The following ARHGAP45 variants were observed in gnomAD, a reference collection of about 807,000 sequenced individuals.
The protein encoded by ARHGAP45 is Rho GTPase activating protein 45, also known as rho GTPase-activating protein 45.
A neutral mutation model predicts 116.1 loss-of-function variants in ARHGAP45; 56 were observed. That is an observed-to-expected ratio of 0.48 (90% CI 0.39 to 0.60). The LOEUF is 0.60. Ranked by LOEUF, ARHGAP45 falls within the 20% of genes least tolerant of loss-of-function variation. The pLI is 0.00. For missense variants in ARHGAP45, 1,622 were observed against 1,601.0 expected, an observed-to-expected ratio of 1.01 and a Z score of -0.22; for synonymous variants, 866 against 701.7, an observed-to-expected ratio of 1.23 and a Z score of -3.70.
At chr19:1,067,534 GCCGCAGGGGGACAGGGAC>G in intron 1 of ARHGAP45, 39 bp downstream of exon 1, 1 of 1,537,976 alleles carries the variant, frequency 6.5e-7, no homozygotes, top group Non-Finnish European at 8.8e-7. Flanking sequence ...CTGACGCCGG[GCCGCAGGGGGACAGGGAC>G]CCGCCCTGTG....
In ARHGAP45 at chr19:1,073,365, TGGGTTTTGAAGG is replaced by T. The variant is rs949902995; in HGVS notation, c.565+74_565+85del. On this transcript the variant is annotated intron_variant, in intron 3 of 22. Coordinates refer to ENST00000313093, the MANE Select transcript of ARHGAP45 (RefSeq NM_012292.5). ...ATCCTGGAGGAGGGGATGTTTGAAG[TGGGTTTTGAAGG>T]ATGCATAGGAGTTTGACAGGCACAA... The T allele has an allele frequency of 6.2e-4, 987 of 1,593,744 alleles. 7 individuals are homozygous for T. The African/African-American group carries it at 0.011, about 19-fold the overall frequency.
At chr19:1,074,777 C>G (rs747753621) in intron 9 of ARHGAP45, 22 bp from the exon 10 acceptor site, 1 of 1,600,268 alleles carries the variant, frequency 6.2e-7, no homozygotes, top group South Asian at 1.1e-5. Context: ...GGGGTACCCA[C>G]TCACGGCCCG....
At position 1,080,499 on chromosome 19, in the gene ARHGAP45, C is replaced by T. The variant is rs1444997362; in HGVS notation, c.1864C>T (p.Leu622Phe). The part of the protein sequence containing the change: ...RGHQVHKSWP[L>F]SISDSDSGLD... The stretch of plus-strand genomic sequence containing the variant: ...ACACCAGGTTCACAAGTCATGGCCG[C>T]TCTCGATCTCAGACTCGGACAGTGG... The change falls in exon 15 of 23, where the codon CTC becomes TTC. Residue 622 changes from leucine to phenylalanine, a missense_variant. Leu to Phe is a conservative substitution (Grantham distance 22). This residue lies in a region of ARHGAP45 where 1,334 missense variants were observed against 1,263.8 expected (regional missense o/e 1.06). Coordinates refer to ENST00000313093, the MANE Select transcript of ARHGAP45 (RefSeq NM_012292.5). 1.9e-6 allele frequency: 3 copies of T among 1,612,854 alleles called. No individual in the cohort carries two copies. The highest frequency in any genetic ancestry group is 2.7e-5 in the African/African-American group (2 of 74,934).
chr19:1,073,377 G>A (rs1296791014), intron 3 of ARHGAP45, 85 bp downstream of exon 3: 2 of 1,580,750 alleles, frequency 1.3e-6, no homozygotes, highest in East Asian at 2.2e-5. Context: ...GGTTTTGAAG[G>A]ATGCATAGGA....
At chr19:1,072,533 G>A (rs995985002) in intron 2 of ARHGAP45, among the ~76,000 whole-genome samples, 2 of 152,196 alleles carry the variant, frequency 1.3e-5, no homozygotes, top group African/African-American at 2.4e-5. Flanking sequence ...GGGGTCACAG[G>A]TGTAAGCCAC....
chr19:1,068,588 C>G lies in ARHGAP45; in HGVS notation c.265C>G (p.Arg89Gly). The stretch of plus-strand genomic sequence containing the variant: ...GGGTGCTGCCTCCTGGACACTGGGC[C>G]GGAGCCACCGGAGCCCACTGACAGC... Reference protein sequence around the residue: ...LSGAASWTLGRSHRSPLTAAS... With the variant: ...LSGAASWTLGGSHRSPLTAAS... Residue 89 changes from arginine (R) to glycine (G), a missense_variant, in exon 2 of 23, where the codon CGG becomes GGG. By Grantham distance (125) the Arg-to-Gly change is moderately radical. Transcript: ENST00000313093. The surrounding 1 kb of genome is among the most constrained non-coding windows in gnomAD (Gnocchi z 7.5). 2 of 1,610,620 alleles carry G rather than the reference C, an allele frequency of 1.2e-6. No homozygotes were observed. Among genetic ancestry groups the G allele is most frequent in the East Asian group, 2.2e-5 (1 of 44,832 alleles).
chr19:1,075,780 A>AT (rs1555707092), intron 10 of ARHGAP45, among the ~76,000 whole-genome samples: 2 of 151,970 alleles, frequency 1.3e-5, no homozygotes, highest in African/African-American at 2.4e-5. Context: ...CACCCAGTTC[A>AT]TTTTTTTGTA....
At position 1,073,662 on chromosome 19, in the gene ARHGAP45, C is replaced by T; in HGVS notation, c.651-12C>T. 1 of 1,608,958 alleles carries T rather than the reference C, an allele frequency of 6.2e-7. No homozygotes were observed. Among genetic ancestry groups the T allele is most frequent in the Non-Finnish European group, 8.5e-7 (1 of 1,177,438 alleles). ...CGGGTGTCTCTCGATGGTGACCTCGCTGGCCCTGCAGAGTGTCCGAGTTCC... is the reference window on the plus strand; with the variant it reads ...CGGGTGTCTCTCGATGGTGACCTCGTTGGCCCTGCAGAGTGTCCGAGTTCC... On this transcript the variant is annotated splice_polypyrimidine_tract_variant and intron_variant, in intron 4 of 22. Transcript: ENST00000313093.
rs1361542045 is a variant in ARHGAP45 at position 1,079,820 on chromosome 19, A to G, written c.1492A>G (p.Ser498Gly). 4.4e-6 allele frequency: 7 copies of G among 1,607,840 alleles called. No homozygotes were observed. The change falls in exon 12 of 23, where the codon AGC (serine) becomes GGC (glycine). Residue 498 changes from serine to glycine, a missense_variant. Ser to Gly is a moderately conservative substitution (Grantham distance 56). This residue lies in a region of ARHGAP45 where 1,334 missense variants were observed against 1,263.8 expected (regional missense o/e 1.06). Transcript: ENST00000313093. Reference sequence around the variant, plus strand: ...GCAGATCCAGGAGGTCATCCGGCAGAGCGACCAAACCATCAAGTCGGTGCG... The same window carrying G: ...GCAGATCCAGGAGGTCATCCGGCAGGGCGACCAAACCATCAAGTCGGTGCG... ...LRQIQEVIRQ[S>G]DQTIKSATIS...
rs373613653 is a variant in ARHGAP45, at chr19:1,072,475, G to C, written c.422-674G>C. ...TTACTGTATTGCCCAGGCTGGTCTT[G>C]AATTCCTGGGCTCAACCCGTCCTCC... On this transcript the variant is annotated intron_variant, in intron 2 of 22. Transcript: ENST00000313093. Among the ~76,000 whole-genome samples the C allele has an allele frequency of 8.5e-5, 13 of 152,056 alleles. No homozygotes were observed. The East Asian group carries it at 2.1e-3, about 25-fold the overall frequency.
In ARHGAP45 at chr19:1,071,279, C is replaced by G. The variant is rs1419258575; in HGVS notation, c.422-1870C>G. On this transcript the variant is annotated intron_variant, in intron 2 of 22. Transcript: ENST00000313093. The surrounding 1 kb of genome is among the most constrained non-coding windows in gnomAD (Gnocchi z 4.6). ...CGCGCTCGCGGTCTCCGCGCCCCGACGGCTGCGCCATGTGTATCTGCGGGA... is the reference window on the plus strand; with the variant it reads ...CGCGCTCGCGGTCTCCGCGCCCCGAGGGCTGCGCCATGTGTATCTGCGGGA... The G allele has an allele frequency of 8.8e-6, 13 of 1,479,052 alleles. No homozygotes were observed. In the East Asian group the frequency reaches 3.0e-4, roughly 34 times the overall value. The allele number at this position is 1,479,052 out of a possible 1,614,324, so 91.6% of individuals were successfully genotyped here. A position where few individuals can be genotyped will look rare whatever the true frequency, so the allele number is the denominator to read the frequency against.
At position 1,073,907 on chromosome 19, in the gene ARHGAP45, C is replaced by T. The variant is rs1175428263; in HGVS notation, c.724-41C>T. The T allele has an allele frequency of 3.3e-6, 5 of 1,531,396 alleles. No homozygotes were observed. The East Asian group carries it at 9.8e-5, about 30-fold the overall frequency. 94.9% of individuals were successfully genotyped at this position (1,531,396 alleles called of 1,614,324 possible). On this transcript the variant is annotated intron_variant, in intron 5 of 22. Coordinates refer to ENST00000313093, the MANE Select transcript of ARHGAP45 (RefSeq NM_012292.5). ...CCTGAAGGGTGGGCACTGCCCAGGG[C>T]CCCGCATGGGGCTGGTCTCACCTGC... is the stretch of plus-strand genomic sequence containing the variant.
At chr19:1,072,290 C>A (rs995644843) in intron 2 of ARHGAP45, among the ~76,000 whole-genome samples, 1 of 152,148 alleles carries the variant, frequency 6.6e-6, no homozygotes, top group African/African-American at 2.4e-5. Flanking sequence ...AAACTCCTGA[C>A]CTCAAGTGAT....
chr19:1,084,353 G>T lies in ARHGAP45; in HGVS notation c.3064+7G>T. 1 of 1,600,448 alleles carries T rather than the reference G, an allele frequency of 6.2e-7. No individual in the cohort carries two copies. The highest frequency in any genetic ancestry group is 2.1e-4 in the Middle Eastern group (1 of 4,846). On this transcript the variant is annotated splice_region_variant and intron_variant, in intron 22 of 22. Coordinates refer to ENST00000313093, the MANE Select transcript of ARHGAP45 (RefSeq NM_012292.5). The stretch of plus-strand genomic sequence containing the variant: ...GCGGCGGACGGGTGCAGAGGTGAGT[G>T]TGTGGCTGCCCGAACGGCCCCAAGG...
At chr19:1,073,318 A>G in intron 3 of ARHGAP45, 26 bp downstream of exon 3, 1 of 1,611,036 alleles carries the variant, frequency 6.2e-7, no homozygotes. Context: ...CAGGGCTGCG[A>G]GGGCTCTCTG....
At chr19:1,074,040 G>A in intron 6 of ARHGAP45, 26 bp downstream of exon 6, 1 of 1,600,882 alleles carries the variant, frequency 6.2e-7, no homozygotes, top group Non-Finnish European at 8.5e-7. Flanking sequence ...GCGGCAGGCA[G>A]GCATTTGAGG....
At position 1,081,956 on chromosome 19, in the gene ARHGAP45, C is replaced by T; in HGVS notation, c.2512C>T (p.Arg838Cys). Residue 838 changes from arginine (R) to cysteine (C), a missense_variant, in exon 19 of 23, where the codon CGT becomes TGT. Transcript: ENST00000313093. Reference protein sequence around the residue: ...DISNVLKLYLRQLPEPLISFR... With the variant: ...DISNVLKLYLCQLPEPLISFR... ...CAGCAACGTCCTCAAGCTCTACCTG[C>T]GTCAGGTGAGACCCACCGGTGGTGG... 1 of 1,610,738 alleles carries T rather than the reference C, an allele frequency of 6.2e-7. No homozygotes were observed. Among genetic ancestry groups the T allele is most frequent in the South Asian group, 1.1e-5 (1 of 91,006 alleles).
At position 1,071,540 on chromosome 19, in the gene ARHGAP45, T is replaced by A; in HGVS notation, c.422-1609T>A. On this transcript the variant is annotated intron_variant, in intron 2 of 22. Transcript: ENST00000313093. The surrounding 1 kb of genome is among the most constrained non-coding windows in gnomAD (Gnocchi z 4.6). Reference sequence around the variant, plus strand: ...CCGCCGGCTTCCCGGGTAGGGGGTGTGCGGGGACAGCCGGGGGTCCGTGCG... The same window carrying A: ...CCGCCGGCTTCCCGGGTAGGGGGTGAGCGGGGACAGCCGGGGGTCCGTGCG... 1 of 308,324 alleles carries A rather than the reference T, an allele frequency of 3.2e-6. No homozygotes were observed. Among genetic ancestry groups the A allele is most frequent in the Non-Finnish European group, 4.8e-6 (1 of 209,428 alleles). The allele number at this position is 308,324 out of a possible 1,614,324, so 19.1% of individuals were successfully genotyped here.
Position 1,077,993 on chromosome 19 carries a change from C to G in ARHGAP45, c.1322C>G (p.Ala441Gly). 6.4e-7 allele frequency: 1 copy of G among 1,554,670 alleles called. No homozygotes were observed. Residue 441 changes from alanine (A) to glycine (G), a missense_variant, in exon 11 of 23, where the codon GCC becomes GGC. Physicochemically the swap from Ala to Gly is moderately conservative, Grantham distance 60. Coordinates refer to ENST00000313093, the MANE Select transcript of ARHGAP45 (RefSeq NM_012292.5). ...AGSAPGAGST[A>G]TKTLDKRRRL... ...AGCGCGCCGGGAGCAGGCAGCACGGCCACCAAGACCCTGGACAAGCGGCGG... is the reference window on the plus strand; with the variant it reads ...AGCGCGCCGGGAGCAGGCAGCACGGGCACCAAGACCCTGGACAAGCGGCGG...
Sources: gnomAD v4.1 joint callset for allele counts (sites outside exome capture counted in the v4.1 genomes callset) on GRCh38, gnomAD v4.1.1 for gene constraint, gnomAD v4.1.1 regional missense constraint, Gnocchi (gnomAD v3.1) non-coding constraint, MANE v1.5 for transcripts, NCBI Gene and HGNC (gene_info 2026-07-23, HGNC 2026-07-21) for gene names.